MSH5: variants seen among roughly 807,000 people sequenced by gnomAD.
The protein encoded by MSH5 is mutS protein homolog 5.
In MSH5, 78 loss-of-function variants were observed where a neutral mutation model predicts 107.7. The observed-to-expected ratio is 0.72, with a 90% CI of 0.60 to 0.87. The LOEUF (loss-of-function observed/expected upper bound fraction) is 0.87, where lower values mean the gene tolerates loss of function less well. Among genes scored for constraint, MSH5 ranks in the 40% least tolerant of loss-of-function variants. The pLI is 0.00. For missense variants in MSH5, 889 were observed against 1,046.6 expected, an observed-to-expected ratio of 0.85 and a Z score of 2.08; for synonymous variants, 326 against 399.5, an observed-to-expected ratio of 0.82 and a Z score of 2.19.
At position 31,743,998 on chromosome 6, in the gene MSH5, C is replaced by T. The variant is rs775804461; in HGVS notation, c.510C>T (p.Ser170=). ...CTGAGAAAATCCTCTTCCTCTCTTC[C>T]ATTATTCCCTTTGACTGCCTCCTCA... ...TATEKILFLS[S]IIPFDCLLTV... Residue 170 remains serine (S), a synonymous_variant, in exon 6 of 25, where the codon TCC becomes TCT. Transcript: ENST00000375750. The T allele has an allele frequency of 6.2e-7, 1 of 1,614,000 alleles. No individual in the cohort carries two copies. Among genetic ancestry groups the T allele is most frequent in the Non-Finnish European group, 8.5e-7 (1 of 1,180,044 alleles).
chr6:31,755,012 A>C (rs1481994322), intron 12 of MSH5, among the ~76,000 whole-genome samples: 1 of 152,146 alleles, frequency 6.6e-6, no homozygotes, highest in Non-Finnish European at 1.5e-5. Context: ...TCGGCCTCCC[A>C]GAGTGCTGGG....
At position 31,762,544 on chromosome 6, in the gene MSH5, T is replaced by C; in HGVS notation, c.*13T>C. 6.3e-7 allele frequency: 1 copy of C among 1,584,684 alleles called. No individual in the cohort carries two copies. The highest frequency in any genetic ancestry group is 8.7e-7 in the Non-Finnish European group (1 of 1,153,510). On this transcript the variant is annotated 3_prime_UTR_variant, in exon 25 of 25. Transcript: ENST00000375750. ...CAGCATCCTCTGAGAGTCCTTCCAGTGTCCTCCCCAGCCTCCTGAGACTCC... is the reference window on the plus strand; with the variant it reads ...CAGCATCCTCTGAGAGTCCTTCCAGCGTCCTCCCCAGCCTCCTGAGACTCC...
chr6:31,762,427 A>G lies in MSH5; in HGVS notation c.2401A>G (p.Thr801Ala). The G allele has an allele frequency of 6.2e-7, 1 of 1,611,890 alleles. No homozygotes were observed. Among genetic ancestry groups the G allele is most frequent in the South Asian group, 1.1e-5 (1 of 90,926 alleles). ...ATTTTCTCTCTTCTTCAGTTGCCAG[A>G]CATTAGTGGATAAGTTTATGAAACT... The part of the protein sequence containing the change: ...LKKNQMENCQ[T>A]LVDKFMKLDL... The change falls in exon 25 of 25, where the codon ACA (threonine) becomes GCA (alanine). Residue 801 changes from threonine to alanine, a missense_variant. Thr to Ala is a moderately conservative substitution (Grantham distance 58). Around this residue, in one of 3 missense-constraint regions of MSH5, gnomAD observed 362 missense variants for 456.2 expected, o/e 0.79. Transcript: ENST00000375750.
At chr6:31,750,820 AGT>A (rs1481371932) in intron 10 of MSH5, among the ~76,000 whole-genome samples, 1 of 152,148 alleles carries the variant, frequency 6.6e-6, no homozygotes, top group Non-Finnish European at 1.5e-5. Flanking sequence ...TTCAGGACCT[AGT>A]GTGTGCACAT....
chr6:31,745,988 G>A (rs576673803), intron 9 of MSH5, among the ~76,000 whole-genome samples: 6 of 151,826 alleles, frequency 4.0e-5, no homozygotes, highest in African/African-American at 1.2e-4. Flanking sequence ...GGATGATCTC[G>A]ATCTCCTGAC....
At position 31,753,388 on chromosome 6, in the gene MSH5, G is replaced by A; in HGVS notation, c.900G>A (p.Leu300=). 6.2e-7 allele frequency: 1 copy of A among 1,614,136 alleles called. No homozygotes were observed. The highest frequency in any genetic ancestry group is 8.5e-7 in the Non-Finnish European group (1 of 1,180,040). ...AGTTTTTTCTGCTGCCCCAGAATCT[G>A]GACATGGCTCAGATGCTGCATCGGC... The part of the protein sequence containing the change: ...VIQFFLLPQN[L]DMAQMLHRLL... The change falls in exon 11 of 25, where the codon CTG becomes CTA. Residue 300 remains leucine, a synonymous_variant. Coordinates refer to ENST00000375750, the MANE Select transcript of MSH5 (RefSeq NM_172166.4).
intron 12 of MSH5, among the ~76,000 whole-genome samples, chr6:31,754,222 T>C (rs1327071805): frequency 6.6e-6 from 1 of 151,800 alleles, no homozygotes; most frequent in Non-Finnish European, 1.5e-5. Flanking sequence ...CGATCTCGGC[T>C]CACTGCAACC....
Position 31,740,399 on chromosome 6 carries a change from C to T in MSH5, c.-13-55C>T, listed in dbSNP as rs1808731843. 9 of 1,526,374 alleles carry T rather than the reference C, an allele frequency of 5.9e-6. No individual in the cohort carries two copies. The Admixed American group carries it at 1.7e-4, about 29-fold the overall frequency. 94.6% of individuals were successfully genotyped at this position (1,526,374 alleles called of 1,614,324 possible). A position where few individuals can be genotyped will look rare whatever the true frequency, so the allele number is the denominator to read the frequency against. ...TTGCATTCTGCGCGCCACCCTACCCCGGCCTCCTCTGTGAATCGTTGCTTC... is the reference window on the plus strand; with the variant it reads ...TTGCATTCTGCGCGCCACCCTACCCTGGCCTCCTCTGTGAATCGTTGCTTC... On this transcript the variant is annotated intron_variant, in intron 1 of 24. Transcript: ENST00000375750. The surrounding 1 kb of genome is among the most constrained non-coding windows in gnomAD (Gnocchi z 4.4).
rs781269180 is a variant in MSH5 at position 31,762,578 on chromosome 6, G to A, written c.*47G>A. On this transcript the variant is annotated 3_prime_UTR_variant, in exon 25 of 25. Transcript: ENST00000375750. ...CAGCCTCCTGAGACTCCGGTGGGCT[G>A]CCATGCCCTCTTTGTTTCCTTATCT... 22 of 1,206,750 alleles carry A rather than the reference G, an allele frequency of 1.8e-5. No homozygotes were observed. The highest frequency in any genetic ancestry group is 2.4e-5 in the Non-Finnish European group (20 of 822,428). The allele number at this position is 1,206,750 out of a possible 1,614,324, so 74.8% of individuals were successfully genotyped here.
At position 31,761,933 on chromosome 6, in the gene MSH5, A is replaced by C. The variant is rs1470869937; in HGVS notation, c.2297A>C (p.Lys766Thr). 1 of 1,613,922 alleles carries C rather than the reference A, an allele frequency of 6.2e-7. No homozygotes were observed. Among genetic ancestry groups the C allele is most frequent in the African/African-American group, 1.3e-5 (1 of 75,050 alleles). ...GCTGCCCAGGCTGGGCTTCCTGACAAGCTTGTGGCTCGTGGCAAGGAGGTG... is the reference window on the plus strand; with the variant it reads ...GCTGCCCAGGCTGGGCTTCCTGACACGCTTGTGGCTCGTGGCAAGGAGGTG... ...HTAAQAGLPDKLVARGKEVSD... is the reference protein window; with the variant it reads ...HTAAQAGLPDTLVARGKEVSD... Residue 766 changes from lysine to threonine, a missense_variant, in exon 23 of 25, where the codon AAG becomes ACG. Lys to Thr is a moderately conservative substitution (Grantham distance 78, BLOSUM62 -1). Transcript: ENST00000375750. This position sits in a 1 kb window ranked among gnomAD's most constrained non-coding sequence, Gnocchi z 5.3.
chr6:31,761,049 C>T lies in MSH5; in HGVS notation c.1963-139C>T, dbSNP rs1435485548. The T allele has an allele frequency of 3.0e-6, 3 of 1,003,756 alleles. No individual in the cohort carries two copies. The highest frequency in any genetic ancestry group is 4.9e-5 in the Admixed American group (2 of 40,478). 62.2% of individuals were successfully genotyped at this position (1,003,756 alleles called of 1,614,324 possible). Reference sequence around the variant, plus strand: ...AGTCACTGTTGGCAAAGAGGATGAACAAAGCGTGCACCTCACCATTCAAGA... The same window carrying T: ...AGTCACTGTTGGCAAAGAGGATGAATAAAGCGTGCACCTCACCATTCAAGA... On this transcript the variant is annotated intron_variant, in intron 20 of 24. Coordinates refer to ENST00000375750, the MANE Select transcript of MSH5 (RefSeq NM_172166.4). The surrounding 1 kb of genome is among the most constrained non-coding windows in gnomAD (Gnocchi z 5.3).
chr6:31,759,653 T>G lies in MSH5; in HGVS notation c.1496-133T>G, dbSNP rs753677808. On this transcript the variant is annotated intron_variant, in intron 17 of 24. Transcript: ENST00000375750. The surrounding 1 kb of genome is among the most constrained non-coding windows in gnomAD (Gnocchi z 4.7). ...CTCTCTGTCTCGCTCACTCTGACTC[T>G]ATCTTTTCCTCTGAATGTCTTGAGG... 3.3e-5 allele frequency: 45 copies of G among 1,351,550 alleles called. No homozygotes were observed. Among genetic ancestry groups the G allele is most frequent in the Non-Finnish European group, 4.6e-5 (45 of 970,688 alleles). 83.7% of individuals were successfully genotyped at this position (1,351,550 alleles called of 1,614,324 possible). A position where few individuals can be genotyped will look rare whatever the true frequency, so the allele number is the denominator to read the frequency against.
At position 31,758,898 on chromosome 6, in the gene MSH5, A is replaced by AG. The variant is rs1810695404; in HGVS notation, c.1326+24dup. 6.3e-7 allele frequency: 1 copy of AG among 1,592,702 alleles called. No homozygotes were observed. The highest frequency in any genetic ancestry group is 8.6e-7 in the Non-Finnish European group (1 of 1,160,734). ...CTGGTGAGGGCAGGAGAGTGGGTGT[A>AG]GCCTTCAGATGTCTTTTGGGGGAGA... On this transcript the variant is annotated intron_variant, in intron 15 of 24. Coordinates refer to ENST00000375750, the MANE Select transcript of MSH5 (RefSeq NM_172166.4). This position sits in a 1 kb window ranked among gnomAD's most constrained non-coding sequence, Gnocchi z 5.1.
At chr6:31,751,275 C>T (rs1359754690) in intron 10 of MSH5, among the ~76,000 whole-genome samples, 1 of 152,092 alleles carries the variant, frequency 6.6e-6, no homozygotes, top group African/African-American at 2.4e-5. Context: ...GGATTACAGG[C>T]GTGAGCCACC....
chr6:31,748,175 CA>C (rs1405467123), intron 10 of MSH5, among the ~76,000 whole-genome samples: 1 of 152,172 alleles, frequency 6.6e-6, no homozygotes. Context: ...ACAGGCAGCT[CA>C]AACTCAGAGC....
At chr6:31,754,047 T>C (rs1810219028) in intron 12 of MSH5, 1 of 168,740 alleles carries the variant, frequency 5.9e-6, no homozygotes, top group Non-Finnish European at 1.3e-5. Flanking sequence ...TTTTTTAACT[T>C]TGTATTCAGG....
At chr6:31,753,094 C>G (rs1404026539) in intron 10 of MSH5, among the ~76,000 whole-genome samples, 1 of 152,188 alleles carries the variant, frequency 6.6e-6, no homozygotes, top group East Asian at 1.9e-4. Flanking sequence ...TATGTAGACA[C>G]AATTATGCTC....
At chr6:31,741,519 C>T (rs1428581386) in intron 3 of MSH5, among the ~76,000 whole-genome samples, 3 of 152,130 alleles carry the variant, frequency 2.0e-5, no homozygotes, top group Admixed American at 2.0e-4. Flanking sequence ...GCTGGGACTA[C>T]AGGCGTGTGC....
intron 3 of MSH5, 50 bp downstream of exon 3, chr6:31,741,336 TACACAC>T (rs9279401): frequency 0.034 from 30,241 of 893,930 alleles, 489 homozygotes; most frequent in East Asian, 0.11. Context: ...GCAGATGTGT[TACACAC>T]ACACACACAC....
Sources: allele counts gnomAD v4.1 joint callset (sites outside exome capture counted in the v4.1 genomes callset), GRCh38; gene constraint gnomAD v4.1.1; regional missense constraint gnomAD v4.1.1; non-coding constraint Gnocchi (gnomAD v3.1); transcripts MANE v1.5; gene names NCBI Gene and HGNC (gene_info 2026-07-23, HGNC 2026-07-21).